The following COPA variants were observed in gnomAD, a reference collection of about 807,000 sequenced individuals.
The protein encoded by COPA is coat protein complex I subunit alpha.
In COPA, 10 loss-of-function variants were observed where a neutral mutation model predicts 158.7. The observed-to-expected ratio is 0.06, with a 90% CI of 0.04 to 0.11. COPA has a LOEUF of 0.11. COPA is among the 10% of genes least tolerant of loss of function. The pLI, the probability that COPA is intolerant of heterozygous loss-of-function variation, is 1.00. For missense variants in COPA, 1,065 were observed against 1,536.7 expected (o/e 0.69, Z 5.13); for synonymous variants, 462 against 542.8 (o/e 0.85, Z 2.07).
At chr1:160,340,386 A>C in intron 1 of COPA, 92 bp from the exon 2 acceptor site, 1 of 778,020 alleles carries the variant, frequency 1.3e-6, no homozygotes, top group Non-Finnish European at 2.1e-6. Context: ...CATCAAGGTT[A>C]ATCCTAGGTT....
chr1:160,323,566 T>C (rs1394049809), intron 7 of COPA, 36 bp from the exon 8 acceptor site: 1 of 1,520,342 alleles, frequency 6.6e-7, no homozygotes, highest in Non-Finnish European at 9.0e-7. Context: ...AACATCTTTA[T>C]AGTCATTACT....
chr1:160,303,805 G>A (rs1396729522), intron 17 of COPA, among the ~76,000 whole-genome samples: 1 of 151,924 alleles, frequency 6.6e-6, no homozygotes, highest in Non-Finnish European at 1.5e-5. Flanking sequence ...GGACTGACAT[G>A]CAAAAAAGAA....
chr1:160,319,096 T>A (rs1659250906), intron 8 of COPA, among the ~76,000 whole-genome samples: 1 of 152,138 alleles, frequency 6.6e-6, no homozygotes, highest in South Asian at 2.1e-4. Flanking sequence ...ATAGAGTGGC[T>A]AAACGGATAA....
chr1:160,290,173 G>A lies in COPA; in HGVS notation c.3659C>T (p.Pro1220Leu). The A allele has an allele frequency of 6.2e-7, 1 of 1,614,118 alleles. No individual in the cohort carries two copies. ...AAGGGGGCCTTAGCGAAACTGCAGA[G>A]GACTGATCCTTAAACCAATCACATC... ...GKDVIGLRIS[P>L]LQFR The change falls in exon 33 of 33, where the codon CCT (proline) becomes CTT (leucine). Residue 1220 changes from proline (P) to leucine (L), a missense_variant. Coordinates refer to ENST00000241704, the MANE Select transcript of COPA (RefSeq NM_004371.4).
At position 160,305,703 on chromosome 1, in the gene COPA, G is replaced by T. The variant is rs1209776560; in HGVS notation, c.1513C>A (p.Leu505Ile). ...IWSADMSHVA[L>I]LAKHAIVICN... ...GAAGACTCACCGTGTTTGGCTAGTA[G>T]TGCTACATGTGACATGTCTGCTGAC... The change falls in exon 16 of 33, where the codon CTA becomes ATA. Residue 505 changes from leucine to isoleucine, a missense_variant. Around this residue, in one of 2 missense-constraint regions of COPA, gnomAD observed 980 missense variants for 1,357.8 expected, o/e 0.72. Transcript: ENST00000241704. 1.9e-6 allele frequency: 3 copies of T among 1,614,020 alleles called. No homozygotes were observed. In the African/African-American group the frequency reaches 4.0e-5, roughly 22 times the overall value.
At chr1:160,316,026 A>T (rs1421500564) in intron 8 of COPA, among the ~76,000 whole-genome samples, 1 of 152,216 alleles carries the variant, frequency 6.6e-6, no homozygotes, top group South Asian at 2.1e-4. Context: ...GACCAAGTGG[A>T]GGAAAAAAAT....
chr1:160,297,248 G>C, intron 21 of COPA, 95 bp downstream of exon 21: 1 of 1,098,188 alleles, frequency 9.1e-7, no homozygotes, highest in Non-Finnish European at 1.4e-6. Flanking sequence ...GCACAATAAA[G>C]AGAAATCCCT....
Position 160,291,853 on chromosome 1 carries a change from T to C in COPA, c.3224A>G (p.Lys1075Arg), listed in dbSNP as rs1658244358. The C allele has an allele frequency of 2.5e-6, 4 of 1,614,118 alleles. No homozygotes were observed. Among genetic ancestry groups the C allele is most frequent in the Non-Finnish European group, 3.4e-6 (4 of 1,180,018 alleles). ...SVETERKKLP[K>R]ETLEQQKRIC... ...GCGCTTCTGCTGTTCTAGAGTCTCT[T>C]TGGGCAGCTTCTTCCTTTCTGTCTC... Residue 1075 changes from lysine (K) to arginine (R), a missense_variant, in exon 30 of 33, where the codon AAA becomes AGA. Coordinates refer to ENST00000241704, the MANE Select transcript of COPA (RefSeq NM_004371.4).
intron 13 of COPA, 86 bp downstream of exon 13, chr1:160,309,015 G>T: frequency 9.3e-7 from 1 of 1,069,656 alleles, no homozygotes; most frequent in Non-Finnish European, 1.4e-6. Context: ...ATGGCTTGGG[G>T]ATGGAATGTG....
chr1:160,343,097 C>T (rs1420783039), intron 1 of COPA, 34 bp downstream of exon 1: 7 of 1,613,986 alleles, frequency 4.3e-6, no homozygotes, highest in Non-Finnish European at 5.9e-6. Flanking sequence ...TCCTGACATC[C>T]AACCTCCATG....
Position 160,305,751 on chromosome 1 carries a change from A to G in COPA, c.1465T>C (p.Ser489Pro), listed in dbSNP as rs777962884. The G allele has an allele frequency of 6.2e-7, 1 of 1,614,042 alleles. No homozygotes were observed. Among genetic ancestry groups the G allele is most frequent in the African/African-American group, 1.3e-5 (1 of 74,948 alleles). ...QKRTLASVKI[S>P]KVKYVIWSAD... ...GACCAGATAACGTATTTCACTTTAGAAATCTTCACAGATGCCAGAGTCCTG... is the reference window on the plus strand; with the variant it reads ...GACCAGATAACGTATTTCACTTTAGGAATCTTCACAGATGCCAGAGTCCTG... Residue 489 changes from serine (S) to proline (P), a missense_variant, in exon 16 of 33, where the codon TCT (serine) becomes CCT (proline). Physicochemically the swap from Ser to Pro is moderately conservative, Grantham distance 74. Coordinates refer to ENST00000241704, the MANE Select transcript of COPA (RefSeq NM_004371.4).
rs1462595695 is a variant in COPA at position 160,309,091 on chromosome 1, G to C, written c.1219+10C>G. ...GGAAGCAGAGTGGGGTAGACAAAAAGAACACTTACCATCAGGATTCTGGGA... is the reference window on the plus strand; with the variant it reads ...GGAAGCAGAGTGGGGTAGACAAAAACAACACTTACCATCAGGATTCTGGGA... On this transcript the variant is annotated intron_variant, in intron 13 of 32. Transcript: ENST00000241704. 1 of 1,610,250 alleles carries C rather than the reference G, an allele frequency of 6.2e-7. No homozygotes were observed. Among genetic ancestry groups the C allele is most frequent in the East Asian group, 2.2e-5 (1 of 44,852 alleles).
In COPA at chr1:160,309,671, A is replaced by G. The variant is rs1038799982; in HGVS notation, c.1144-495T>C. ...GAAGAACAGATTAGACAATATAGTTATATGAGGAAAGACATTTAACTTCAT... is the reference window on the plus strand; with the variant it reads ...GAAGAACAGATTAGACAATATAGTTGTATGAGGAAAGACATTTAACTTCAT... On this transcript the variant is annotated intron_variant, in intron 12 of 32. Transcript: ENST00000241704. Among the ~76,000 whole-genome samples, 4 of 152,230 alleles carry G rather than the reference A, an allele frequency of 2.6e-5. No homozygotes were observed. In the East Asian group the frequency reaches 7.7e-4, roughly 29 times the overall value.
intron 17 of COPA, among the ~76,000 whole-genome samples, chr1:160,300,869 A>T (rs1432179627): frequency 6.6e-6 from 1 of 152,264 alleles, no homozygotes. Flanking sequence ...CTGTAATCCC[A>T]GCACTTTGGG....
chr1:160,316,128 G>A lies in COPA; in HGVS notation c.707-2003C>T, dbSNP rs867413028. Among the ~76,000 whole-genome samples, 5 of 152,286 alleles carry A rather than the reference G, an allele frequency of 3.3e-5. 1 individual carries two copies. The highest frequency in any genetic ancestry group is 6.8e-3 in the Middle Eastern group (2 of 294). ...TAATCCCAGCACTTTGGGAGGCCGA[G>A]GTGGGTGGATCACAAGGTCAGGAGT... is the stretch of plus-strand genomic sequence containing the variant. On this transcript the variant is annotated intron_variant, in intron 8 of 32. Transcript: ENST00000241704.
At chr1:160,322,727 C>T (rs1659365142) in intron 8 of COPA, among the ~76,000 whole-genome samples, 1 of 152,154 alleles carries the variant, frequency 6.6e-6, no homozygotes, top group African/African-American at 2.4e-5. Context: ...GGGAACCCTC[C>T]TGCACTGTTG....
chr1:160,331,065 A>T (rs1571180758), intron 6 of COPA, among the ~76,000 whole-genome samples: 1 of 150,282 alleles, frequency 6.7e-6, no homozygotes, highest in African/African-American at 2.5e-5. Context: ...TAAATAAATA[A>T]AAGTTAAAAA....
intron 8 of COPA, among the ~76,000 whole-genome samples, chr1:160,317,987 T>C (rs1279893666): frequency 6.6e-6 from 1 of 152,152 alleles, no homozygotes; most frequent in Non-Finnish European, 1.5e-5. Flanking sequence ...TTCAGGCTTG[T>C]GGTGATAAAT....
chr1:160,314,115 T>A lies in COPA; in HGVS notation c.717A>T (p.Ala239=), dbSNP rs751279338. The change falls in exon 9 of 33, where the codon GCA becomes GCT. Residue 239 remains alanine (A), a synonymous_variant. Coordinates refer to ENST00000241704, the MANE Select transcript of COPA (RefSeq NM_004371.4). The part of the protein sequence containing the change: ...VKIWRMNESK[A]WEVDTCRGHY... ...GGCCCCGGCAGGTATCAACCTCCCA[T>A]GCCTTTGATTCTGAAGGACAAAAAG... is the stretch of plus-strand genomic sequence containing the variant. 2 of 1,612,760 alleles carry A rather than the reference T, an allele frequency of 1.2e-6. No individual in the cohort carries two copies. The highest frequency in any genetic ancestry group is 4.5e-5 in the East Asian group (2 of 44,858).
Sources: gnomAD v4.1 joint callset for allele counts (sites outside exome capture counted in the v4.1 genomes callset) on GRCh38, gnomAD v4.1.1 for gene constraint, gnomAD v4.1.1 regional missense constraint, MANE v1.5 for transcripts, NCBI Gene and HGNC (gene_info 2026-07-23, HGNC 2026-07-21) for gene names.